Variants in FRMD5 observed in about 807,000 individuals in gnomAD.
FRMD5 encodes FERM domain-containing protein 5.
In FRMD5, 20 loss-of-function variants were observed where a neutral mutation model predicts 69.0. The observed-to-expected ratio is 0.29, with a 90% CI of 0.20 to 0.42. FRMD5 has a LOEUF of 0.42. Ranked by LOEUF, FRMD5 falls within the 10% of genes least tolerant of loss-of-function variation. The pLI, the probability that FRMD5 is intolerant of heterozygous loss-of-function variation, is 1.00. For missense variants in FRMD5, 595 were observed against 708.6 expected (o/e 0.84, Z 1.82); for synonymous variants, 271 against 260.1 (o/e 1.04, Z -0.40).
At chr15:44,145,094 A>C (rs1014832733) in intron 1 of FRMD5, among the ~76,000 whole-genome samples, 1 of 152,218 alleles carries the variant, frequency 6.6e-6, no homozygotes, top group African/African-American at 2.4e-5. Flanking sequence ...GGGATATATA[A>C]ACTACAGCAG....
At chr15:44,092,800 A>T (rs2076491348) in intron 1 of FRMD5, among the ~76,000 whole-genome samples, 1 of 152,148 alleles carries the variant, frequency 6.6e-6, no homozygotes, top group South Asian at 2.1e-4. Flanking sequence ...AGGCCTGTCT[A>T]AAGTGAAATG....
intron 1 of FRMD5, among the ~76,000 whole-genome samples, chr15:44,189,195 A>G (rs1406849335): frequency 6.6e-6 from 1 of 152,226 alleles, no homozygotes; most frequent in Non-Finnish European, 1.5e-5. Context: ...AATCTAGGAT[A>G]TGATACTAGA....
At chr15:44,165,299 G>A (rs1292590374) in intron 1 of FRMD5, among the ~76,000 whole-genome samples, 4 of 152,076 alleles carry the variant, frequency 2.6e-5, no homozygotes, top group Non-Finnish European at 5.9e-5. Flanking sequence ...GCACACGCCT[G>A]TAATCCCAGC....
At chr15:44,039,976 C>T (rs556023773) in intron 1 of FRMD5, among the ~76,000 whole-genome samples, 2 of 151,898 alleles carry the variant, frequency 1.3e-5, no homozygotes, top group South Asian at 2.1e-4. Context: ...TAGAGAAGAA[C>T]ATAAATGACT....
At chr15:44,168,085 C>T (rs1400588640) in intron 1 of FRMD5, among the ~76,000 whole-genome samples, 1 of 152,162 alleles carries the variant, frequency 6.6e-6, no homozygotes, top group African/African-American at 2.4e-5. Flanking sequence ...GATAACCAAT[C>T]CTTCATTAAA....
At chr15:44,047,686 C>A (rs1279110184) in intron 1 of FRMD5, among the ~76,000 whole-genome samples, 4 of 152,130 alleles carry the variant, frequency 2.6e-5, no homozygotes, top group Admixed American at 2.6e-4. Context: ...CTAAAAGAAA[C>A]CCTGTATCCA....
chr15:43,889,021 G>A (rs1025926504), intron 8 of FRMD5, 149 bp from the exon 9 acceptor site: 9 of 662,606 alleles, frequency 1.4e-5, no homozygotes, highest in African/African-American at 1.1e-4. Context: ...AGACAGCAGC[G>A]CAGTGGCCTT....
chr15:43,951,614 C>A (rs2090030394), intron 1 of FRMD5, among the ~76,000 whole-genome samples: 1 of 152,084 alleles, frequency 6.6e-6, no homozygotes, highest in Non-Finnish European at 1.5e-5. Flanking sequence ...TCCCCACACA[C>A]CAGATAATAT....
chr15:43,992,797 A>G (rs1889748475), intron 1 of FRMD5, among the ~76,000 whole-genome samples: 1 of 152,140 alleles, frequency 6.6e-6, no homozygotes, highest in African/African-American at 2.4e-5. Flanking sequence ...TGTAACCTCA[A>G]ACTCAGGCTC....
intron 1 of FRMD5, among the ~76,000 whole-genome samples, chr15:44,005,106 A>G (rs1486413059): frequency 6.6e-6 from 1 of 152,202 alleles, no homozygotes; most frequent in East Asian, 1.9e-4. Flanking sequence ...TGCACAAGAC[A>G]AGTTTGAAGC....
intron 1 of FRMD5, among the ~76,000 whole-genome samples, chr15:43,998,284 T>A (rs1890031727): frequency 6.6e-6 from 1 of 152,202 alleles, no homozygotes; most frequent in African/African-American, 2.4e-5. Flanking sequence ...GATTTAGATA[T>A]GCTTATTATT....
chr15:44,198,326 C>CAA (rs35320478), upstream of FRMD5, among the ~76,000 whole-genome samples: 2,641 of 96,528 alleles, frequency 0.027, 43 homozygotes, highest in Middle Eastern at 0.053. Context: ...GATCCTGTCT[C>CAA]AAAAAAAAAA....
intron 1 of FRMD5, among the ~76,000 whole-genome samples, chr15:44,085,380 CAAAG>C (rs1300151765): frequency 6.6e-6 from 1 of 152,016 alleles, no homozygotes; most frequent in Non-Finnish European, 1.5e-5. Context: ...CAACAAAACT[CAAAG>C]AAACTTCAGA....
At chr15:44,184,907 AT>A in intron 1 of FRMD5, among the ~76,000 whole-genome samples, 1 of 152,342 alleles carries the variant, frequency 6.6e-6, no homozygotes, top group East Asian at 1.9e-4. Context: ...GCAAGATAGT[AT>A]ATCATTATAT....
chr15:44,136,204 G>T (rs1481035295), intron 1 of FRMD5, among the ~76,000 whole-genome samples: 2 of 85,898 alleles, frequency 2.3e-5, no homozygotes, highest in Non-Finnish European at 5.7e-5. Context: ...TGTTTTGTTT[G>T]GTAGAGACGG....
At position 44,165,419 on chromosome 15, in the gene FRMD5, CTCAA is replaced by C. The variant is rs776273680; in HGVS notation, c.102+29530_102+29533del. Among the ~76,000 whole-genome samples the C allele has an allele frequency of 3.2e-3, 486 of 152,218 alleles. 3 individuals carry two copies. The highest frequency in any genetic ancestry group is 0.011 in the African/African-American group (450 of 41,554). ...CCTAGGCGACCGAGTGAGACTCCAT[CTCAA>C]TCAATCAATCAATCAATCAATAAAA... On this transcript the variant is annotated intron_variant, in intron 1 of 13. Coordinates refer to ENST00000417257, the MANE Select transcript of FRMD5 (RefSeq NM_032892.5).
rs2077189132 is a variant in FRMD5, at chr15:44,136,615, G to A, written c.102+58338C>T. 2.6e-5 allele frequency among the ~76,000 whole-genome samples: 4 copies of A among 152,206 alleles called. No homozygotes were observed. The East Asian group carries it at 7.7e-4, about 29-fold the overall frequency. On this transcript the variant is annotated intron_variant, in intron 1 of 13. Coordinates refer to ENST00000417257, the MANE Select transcript of FRMD5 (RefSeq NM_032892.5). ...CACAACCCTTTATTACCTTGCAGTG[G>A]TAGAAAAATGTGTTGCATCTTCCAA...
At chr15:43,931,134 C>T (rs1279232894) in intron 1 of FRMD5, among the ~76,000 whole-genome samples, 3 of 152,198 alleles carry the variant, frequency 2.0e-5, no homozygotes, top group Non-Finnish European at 2.9e-5. Context: ...GAAAAGCAGA[C>T]AACTCGTTCA....
chr15:43,920,208 C>T (rs987327104), intron 2 of FRMD5, among the ~76,000 whole-genome samples: 1 of 152,136 alleles, frequency 6.6e-6, no homozygotes, highest in African/African-American at 2.4e-5. Flanking sequence ...TTCTGTTATG[C>T]ACCAGCTTTT....
Sources: allele counts gnomAD v4.1 joint callset (sites outside exome capture counted in the v4.1 genomes callset), GRCh38; gene constraint gnomAD v4.1.1; transcripts MANE v1.5; gene names NCBI Gene and HGNC (gene_info 2026-07-23, HGNC 2026-07-21).